SEC24A: variants seen among roughly 807,000 people sequenced by gnomAD.
The protein encoded by SEC24A is protein transport protein Sec24A.
Under a neutral mutation model 129.4 loss-of-function variants are expected in SEC24A, and 93 were observed. The ratio of observed to expected loss-of-function variants is 0.72; its 90% confidence interval spans 0.61 to 0.85. SEC24A has a LOEUF of 0.85. Ranked by LOEUF, SEC24A falls within the 40% of genes least tolerant of loss-of-function variation. The pLI, the probability that SEC24A is intolerant of heterozygous loss-of-function variation, is 0.00. For synonymous variants in SEC24A, 460 were observed against 467.3 expected (o/e 0.98, Z 0.20); for missense variants, 1,264 against 1,307.4 (o/e 0.97, Z 0.51).
intron 17 of SEC24A, among the ~76,000 whole-genome samples, chr5:134,707,992 A>C (rs1561829645): frequency 6.6e-6 from 1 of 152,126 alleles, no homozygotes; most frequent in African/African-American, 2.4e-5. Flanking sequence ...AGTCAGGTAT[A>C]GTGGCACATG....
chr5:134,649,032 G>C lies in SEC24A; in HGVS notation c.-45G>C, dbSNP rs887322938. 1.4e-6 allele frequency: 2 copies of C among 1,410,568 alleles called. No homozygotes were observed. The highest frequency in any genetic ancestry group is 2.0e-6 in the Non-Finnish European group (2 of 1,010,424). The allele number at this position is 1,410,568 out of a possible 1,614,324, so 87.4% of individuals were successfully genotyped here. On this transcript the variant is annotated 5_prime_UTR_variant, in exon 1 of 23. Transcript: ENST00000398844. ...GCAGTGGTCTTTCAGCTCTCTTCTT[G>C]TGCGCTGTTGTCGACCCCGACCAGC...
chr5:134,705,088 ATAT>A (rs1348653828), intron 16 of SEC24A, among the ~76,000 whole-genome samples: 1,879 of 129,272 alleles, frequency 0.015, 19 homozygotes, highest in Admixed American at 0.02. Flanking sequence ...ATATATATAT[ATAT>A]TTTTTTTTTT....
intron 13 of SEC24A, among the ~76,000 whole-genome samples, chr5:134,696,887 C>G (rs1279030028): frequency 2.0e-5 from 3 of 151,882 alleles, no homozygotes. Flanking sequence ...CTTGGCTTCC[C>G]AAAGTGCTAG....
rs578136488 is a variant in SEC24A, at chr5:134,727,603, T to G, written c.*2509T>G. Reference sequence around the variant, plus strand: ...GGACCACCAAATGTGATTTCAAAATTTTGTTAACTATTACAAATGTAATCC... The same window carrying G: ...GGACCACCAAATGTGATTTCAAAATGTTGTTAACTATTACAAATGTAATCC... On this transcript the variant is annotated 3_prime_UTR_variant, in exon 23 of 23. Coordinates refer to ENST00000398844, the MANE Select transcript of SEC24A (RefSeq NM_021982.3). 6.5e-6 allele frequency: 1 copy of G among 152,692 alleles called. No homozygotes were observed. The highest frequency in any genetic ancestry group is 6.5e-5 in the Admixed American group (1 of 15,268). 9.5% of individuals were successfully genotyped at this position (152,692 alleles called of 1,614,324 possible).
At chr5:134,663,532 T>C (rs1174723668) in intron 2 of SEC24A, among the ~76,000 whole-genome samples, 1 of 152,156 alleles carries the variant, frequency 6.6e-6, no homozygotes, top group Non-Finnish European at 1.5e-5. Flanking sequence ...AAAAACTATT[T>C]AAGGGCCAGG....
At chr5:134,675,421 T>C (rs1751026770) in intron 6 of SEC24A, among the ~76,000 whole-genome samples, 1 of 152,186 alleles carries the variant, frequency 6.6e-6, no homozygotes, top group Non-Finnish European at 1.5e-5. Context: ...CCTGAAGTGA[T>C]TTTGTTCTTA....
chr5:134,659,307 C>T (rs1390478389), intron 1 of SEC24A, among the ~76,000 whole-genome samples: 5 of 151,894 alleles, frequency 3.3e-5, no homozygotes, highest in Admixed American at 6.6e-5. Flanking sequence ...CTCCTGACCT[C>T]GTGATCCGCC....
At chr5:134,700,405 A>G (rs1751970138) in intron 15 of SEC24A, among the ~76,000 whole-genome samples, 1 of 151,882 alleles carries the variant, frequency 6.6e-6, no homozygotes, top group Admixed American at 6.6e-5. Flanking sequence ...TTTTCTGTAG[A>G]GACAGGGTCT....
At chr5:134,662,593 G>C (rs571079903) in intron 2 of SEC24A, among the ~76,000 whole-genome samples, 2 of 152,140 alleles carry the variant, frequency 1.3e-5, no homozygotes, top group South Asian at 4.2e-4. Flanking sequence ...TGTTTATATG[G>C]CATATACTCC....
In SEC24A at chr5:134,717,915, C is replaced by CAAAT. The variant is rs368416749; in HGVS notation, c.2866-135_2866-132dup. ...GGGCAACAAGAGCGAAACTCCGTCT[C>CAAAT]AAATAAATAAATAAATAAATAAGAA... On this transcript the variant is annotated intron_variant, in intron 19 of 22. Transcript: ENST00000398844. Among the ~76,000 whole-genome samples, 1,150 of 152,118 alleles carry CAAAT rather than the reference C, an allele frequency of 7.6e-3. 13 individuals are homozygous for CAAAT. The highest frequency in any genetic ancestry group is 0.024 in the African/African-American group (1,001 of 41,498).
chr5:134,659,887 A>C (rs1750389453), intron 1 of SEC24A, among the ~76,000 whole-genome samples: 1 of 151,582 alleles, frequency 6.6e-6, no homozygotes, highest in Non-Finnish European at 1.5e-5. Context: ...TCCTGAGCTC[A>C]AGCTATCTGC....
rs563976937 is a variant in SEC24A at position 134,664,988 on chromosome 5, C to T, written c.566-1835C>T. On this transcript the variant is annotated intron_variant, in intron 2 of 22. Transcript: ENST00000398844. ...TAATTTTTTGTATTTTTAGTAGAAA[C>T]GGGGTTTCACCATATAGGCCAGGCT... 4.0e-5 allele frequency among the ~76,000 whole-genome samples: 6 copies of T among 150,546 alleles called. No homozygotes were observed. The South Asian group carries it at 8.4e-4, about 21-fold the overall frequency.
chr5:134,708,956 A>G, intron 18 of SEC24A, 68 bp downstream of exon 18: 1 of 1,483,076 alleles, frequency 6.7e-7, no homozygotes, highest in Non-Finnish European at 9.2e-7. Context: ...CTGCAATCCC[A>G]GCACTTTGGG....
At chr5:134,704,125 A>G (rs1357594268) in intron 16 of SEC24A, among the ~76,000 whole-genome samples, 193 bp downstream of exon 16, 1 of 152,156 alleles carries the variant, frequency 6.6e-6, no homozygotes, top group East Asian at 1.9e-4. Flanking sequence ...GCTGGAGTGC[A>G]GTGGCGCAGT....
chr5:134,685,381 A>T (rs1044206221), intron 9 of SEC24A, among the ~76,000 whole-genome samples: 5 of 116,178 alleles, frequency 4.3e-5, no homozygotes, highest in Admixed American at 1.6e-4. Flanking sequence ...AAAAAAAAAT[A>T]ATAATACAAA....
At chr5:134,693,255 CTA>C (rs1751718286) in intron 12 of SEC24A, 2 of 1,457,272 alleles carry the variant, frequency 1.4e-6, no homozygotes, top group Non-Finnish European at 1.8e-6. Context: ...CCCATTAACT[CTA>C]TTTGTACAAC....
At chr5:134,691,277 A>G (rs577725016) in intron 11 of SEC24A, among the ~76,000 whole-genome samples, 71 of 149,660 alleles carry the variant, frequency 4.7e-4, no homozygotes, top group African/African-American at 1.6e-3. Flanking sequence ...GGTTCAAGCA[A>G]TTCTCTGCCT....
intron 7 of SEC24A, among the ~76,000 whole-genome samples, chr5:134,678,962 G>T (rs1428049755): frequency 6.6e-6 from 1 of 152,038 alleles, no homozygotes; most frequent in Non-Finnish European, 1.5e-5. Context: ...TAATCTTCCT[G>T]CCTTGGCCTC....
chr5:134,720,595 C>T (rs771504174), intron 20 of SEC24A, among the ~76,000 whole-genome samples: 1 of 152,070 alleles, frequency 6.6e-6, no homozygotes, highest in Non-Finnish European at 1.5e-5. Context: ...ATATACTTAC[C>T]TTTTTGACCT....
Sources: gnomAD v4.1 joint callset for allele counts (sites outside exome capture counted in the v4.1 genomes callset) on GRCh38, gnomAD v4.1.1 for gene constraint, MANE v1.5 for transcripts, NCBI Gene and HGNC (gene_info 2026-07-23, HGNC 2026-07-21) for gene names.